Variants in ZNF804B observed in about 807,000 individuals in gnomAD.
ZNF804B encodes the protein zinc finger 804B.
A neutral mutation model predicts 101.4 loss-of-function variants in ZNF804B; 80 were observed. The ratio of observed to expected loss-of-function variants is 0.79; its 90% CI spans 0.66 to 0.95. The LOEUF is 0.95. ZNF804B is among the 40% of genes least tolerant of loss of function. The pLI is 0.00. For synonymous variants in ZNF804B, 622 were observed against 558.8 expected, an observed-to-expected ratio of 1.11 and a Z score of -1.59; for missense variants, 1,673 against 1,561.9, an observed-to-expected ratio of 1.07 and a Z score of -1.20.
chr7:89,066,188 G>C (rs1583966184), intron 1 of ZNF804B, among the ~76,000 whole-genome samples: 1 of 152,120 alleles, frequency 6.6e-6, no homozygotes, highest in Non-Finnish European at 1.5e-5. Flanking sequence ...CATTTGGTTT[G>C]TTTTCATGGG....
chr7:89,063,281 C>T (rs1789404627), intron 1 of ZNF804B, among the ~76,000 whole-genome samples: 1 of 152,056 alleles, frequency 6.6e-6, no homozygotes, highest in Non-Finnish European at 1.5e-5. Context: ...ATGTCTGATG[C>T]TGTGCAAGAC....
chr7:88,898,511 A>G (rs1792343282), intron 1 of ZNF804B, among the ~76,000 whole-genome samples: 1 of 151,512 alleles, frequency 6.6e-6, no homozygotes, highest in African/African-American at 2.4e-5. Flanking sequence ...TAGAAATCTA[A>G]TTGTTCACAT....
At chr7:88,777,229 G>C (rs569529650) in intron 1 of ZNF804B, among the ~76,000 whole-genome samples, 1 of 152,316 alleles carries the variant, frequency 6.6e-6, no homozygotes. Context: ...GTATTGCAGA[G>C]AGGCAACCAC....
chr7:89,099,482 GA>G (rs143797190), intron 1 of ZNF804B, among the ~76,000 whole-genome samples: 445 of 152,284 alleles, frequency 2.9e-3, no homozygotes, highest in Middle Eastern at 0.01. Context: ...TAGGGGCTGG[GA>G]AAAGGTCCAG....
intron 1 of ZNF804B, among the ~76,000 whole-genome samples, chr7:89,039,936 G>C (rs558094694): frequency 6.6e-6 from 1 of 151,986 alleles, no homozygotes; most frequent in Admixed American, 6.5e-5. Context: ...TGAGAATTTT[G>C]TTACCGTATG....
chr7:88,831,588 GA>G (rs561481765), intron 1 of ZNF804B, among the ~76,000 whole-genome samples: 44 of 151,754 alleles, frequency 2.9e-4, no homozygotes, highest in Admixed American at 4.6e-4. Context: ...AAAATTGAAA[GA>G]TGTTTTCAAT....
intron 1 of ZNF804B, among the ~76,000 whole-genome samples, chr7:88,792,470 T>C (rs1204903954): frequency 1.3e-5 from 2 of 152,152 alleles, no homozygotes; most frequent in African/African-American, 2.4e-5. Context: ...TATCCATTAT[T>C]CTCTTACATA....
chr7:89,242,530 C>T (rs758663885), intron 2 of ZNF804B, among the ~76,000 whole-genome samples: 81 of 151,578 alleles, frequency 5.3e-4, no homozygotes, highest in Non-Finnish European at 1.0e-3. Context: ...CCATATTCTC[C>T]TGTTTCTAAT....
rs553510878 is a variant in ZNF804B, at chr7:89,029,324, G to A, written c.109-188831G>A. On this transcript the variant is annotated intron_variant, in intron 1 of 3. Coordinates refer to ENST00000333190, the MANE Select transcript of ZNF804B (RefSeq NM_181646.5). ...TCACCATGTTGGCCAGGCTGGTTTCGAACTCCTGACCTCAAATGATCCACC... is the reference window on the plus strand; with the variant it reads ...TCACCATGTTGGCCAGGCTGGTTTCAAACTCCTGACCTCAAATGATCCACC... Among the ~76,000 whole-genome samples the A allele has an allele frequency of 3.3e-5, 5 of 152,132 alleles. No individual in the cohort carries two copies. In the South Asian group the frequency reaches 6.2e-4, roughly 19 times the overall value.
chr7:89,200,718 T>C (rs531182125), intron 1 of ZNF804B, among the ~76,000 whole-genome samples: 172 of 152,184 alleles, frequency 1.1e-3, no homozygotes, highest in African/African-American at 4.1e-3. Context: ...AAATCATTTA[T>C]GGTTTCTTTC....
In ZNF804B at chr7:89,208,051, T is replaced by C. The variant is rs1163434322; in HGVS notation, c.109-10104T>C. 2.6e-5 allele frequency among the ~76,000 whole-genome samples: 4 copies of C among 152,068 alleles called. No individual in the cohort carries two copies. In the East Asian group the frequency reaches 7.7e-4, roughly 29 times the overall value. On this transcript the variant is annotated intron_variant, in intron 1 of 3. Coordinates refer to ENST00000333190, the MANE Select transcript of ZNF804B (RefSeq NM_181646.5). ...CGTTGTGTCAGCAAAAGTTCATTGGTTTATGTGTGTTATATTTACTATTTT... is the reference window on the plus strand; with the variant it reads ...CGTTGTGTCAGCAAAAGTTCATTGGCTTATGTGTGTTATATTTACTATTTT...
At chr7:88,873,610 G>A (rs1209480309) in intron 1 of ZNF804B, among the ~76,000 whole-genome samples, 5 of 152,088 alleles carry the variant, frequency 3.3e-5, no homozygotes, top group Admixed American at 1.3e-4. Flanking sequence ...TAGGTTGAAT[G>A]TTTAAGTCTT....
intron 1 of ZNF804B, among the ~76,000 whole-genome samples, chr7:89,161,596 C>G (rs977827845): frequency 6.6e-6 from 1 of 151,790 alleles, no homozygotes; most frequent in African/African-American, 2.4e-5. Flanking sequence ...ATTATGTTAC[C>G]CAGACTGGTC....
intron 1 of ZNF804B, among the ~76,000 whole-genome samples, chr7:89,204,033 A>G (rs1439749983): frequency 1.3e-5 from 2 of 152,178 alleles, no homozygotes; most frequent in Non-Finnish European, 1.5e-5. Flanking sequence ...CTAGATCAGC[A>G]TTGTTTAATG....
chr7:88,869,531 G>A (rs1010352536), intron 1 of ZNF804B, among the ~76,000 whole-genome samples: 8 of 152,072 alleles, frequency 5.3e-5, no homozygotes, highest in Admixed American at 4.6e-4. Context: ...CCATCAGATA[G>A]GGGAATTAAC....
intron 2 of ZNF804B, among the ~76,000 whole-genome samples, chr7:89,224,776 T>C (rs922868685): frequency 6.7e-6 from 1 of 149,668 alleles, no homozygotes; most frequent in Non-Finnish European, 1.5e-5. Flanking sequence ...GTGTGTATCC[T>C]GGAATCACCC....
intron 1 of ZNF804B, among the ~76,000 whole-genome samples, chr7:89,099,635 A>G (rs1466984145): frequency 6.6e-6 from 1 of 152,202 alleles, no homozygotes; most frequent in Non-Finnish European, 1.5e-5. Flanking sequence ...TTCAAAAGTC[A>G]TGTCCACAAT....
intron 2 of ZNF804B, among the ~76,000 whole-genome samples, chr7:89,306,942 T>A (rs995035804): frequency 1.3e-5 from 2 of 151,912 alleles, no homozygotes; most frequent in African/African-American, 4.8e-5. Flanking sequence ...AACTGCAGAA[T>A]GAGGATGATG....
At chr7:89,196,073 C>CA (rs920638536) in intron 1 of ZNF804B, among the ~76,000 whole-genome samples, 5 of 151,768 alleles carry the variant, frequency 3.3e-5, no homozygotes, top group Non-Finnish European at 5.9e-5. Flanking sequence ...CATATGGAAC[C>CA]AAAAAAAGAG....
Sources: allele counts gnomAD v4.1 joint callset (sites outside exome capture counted in the v4.1 genomes callset), GRCh38; gene constraint gnomAD v4.1.1; transcripts MANE v1.5; gene names NCBI Gene and HGNC (gene_info 2026-07-23, HGNC 2026-07-21).